ZNF568: variants seen among roughly 807,000 people sequenced by gnomAD.
ZNF568 encodes zinc finger protein 568, also known as p53 inhibitor of SCO2 activation.
In ZNF568, 11 loss-of-function variants were observed where a neutral mutation model predicts 18.1. The observed-to-expected ratio is 0.61, with a 90% confidence interval of 0.38 to 1.00. The LOEUF (loss-of-function observed/expected upper bound fraction) is 1.00. Ranked by LOEUF, ZNF568 falls within the 50% of genes least tolerant of loss-of-function variation. The pLI, the probability that ZNF568 is intolerant of heterozygous loss-of-function variation, is 0.01. For synonymous variants in ZNF568, 213 were observed against 246.6 expected, an observed-to-expected ratio of 0.86 and a Z score of 1.28; for missense variants, 639 against 768.2, an observed-to-expected ratio of 0.83 and a Z score of 1.99.
At chr19:36,925,056 C>A in intron 3 of ZNF568, 144 bp from the exon 4 acceptor site, 1 of 670,276 alleles carries the variant, frequency 1.5e-6, no homozygotes, top group Non-Finnish European at 2.6e-6. Context: ...ATTTCAGTGT[C>A]TATAGCTAGA....
rs201763854 is a variant in ZNF568, at chr19:36,959,546, TCTC to T, written c.359-14870_359-14868del. Among the ~76,000 whole-genome samples, 9 of 152,178 alleles carry T rather than the reference TCTC, an allele frequency of 5.9e-5. No homozygotes were observed. The East Asian group carries it at 1.3e-3, about 23-fold the overall frequency. On this transcript the variant is annotated intron_variant, in intron 6 of 7. Coordinates refer to the ZNF568 transcript ENST00000427117. ...TTGTAGAATGAACTGGGGAGAATTC[TCTC>T]CTCTTTTATTTTTTGAAATAGTTTC...
At chr19:36,940,619 A>G (rs2073864279) in intron 6 of ZNF568, among the ~76,000 whole-genome samples, 2 of 152,206 alleles carry the variant, frequency 1.3e-5, no homozygotes, top group Admixed American at 1.3e-4. Flanking sequence ...ATCAGGCTAG[A>G]GTTAGAAAGA....
chr19:36,972,184 A>G (rs1277004085), intron 6 of ZNF568, among the ~76,000 whole-genome samples: 1 of 152,050 alleles, frequency 6.6e-6, no homozygotes, highest in Non-Finnish European at 1.5e-5. Flanking sequence ...TTATTTTAGT[A>G]GCACTTTTAG....
intron 4 of ZNF568, among the ~76,000 whole-genome samples, chr19:36,930,119 A>G (rs2073659628): frequency 1.3e-5 from 2 of 152,144 alleles, no homozygotes; most frequent in Non-Finnish European, 2.9e-5. Context: ...ACCCTATTGT[A>G]AAGACTGACT....
rs1193440344 is a variant in ZNF568 at position 36,975,681 on chromosome 19, C to CT, written c.405+1236dup. Among the ~76,000 whole-genome samples the CT allele has an allele frequency of 2.4e-3, 184 of 75,760 alleles. 10 individuals carry two copies. The highest frequency in any genetic ancestry group is 0.012 in the Middle Eastern group (1 of 84). 49.7% of individuals were successfully genotyped at this position (75,760 alleles called of 152,430 possible). A position where few individuals can be genotyped will look rare whatever the true frequency, so the allele number is the denominator to read the frequency against. ...GCAGGCGTGAGCCACCGCGCCAAGA[C>CT]TTTTTTTTTTTTTTTTTTTTTGAGA... On this transcript the variant is annotated intron_variant, in intron 7 of 7. Coordinates refer to the ZNF568 transcript ENST00000427117.
chr19:36,933,379 C>T (rs2073721334), intron 4 of ZNF568, among the ~76,000 whole-genome samples: 1 of 151,068 alleles, frequency 6.6e-6, no homozygotes, highest in African/African-American at 2.4e-5. Flanking sequence ...CCTTCTTTTG[C>T]TTATTTGCTA....
chr19:36,917,951 T>TG (rs1222602094), intron 2 of ZNF568, among the ~76,000 whole-genome samples: 1 of 152,110 alleles, frequency 6.6e-6, no homozygotes, highest in Non-Finnish European at 1.5e-5. Flanking sequence ...TTGTTGTTGT[T>TG]TTGTTTTGTT....
intron 4 of ZNF568, among the ~76,000 whole-genome samples, chr19:36,996,103 A>G (rs1291396491): frequency 6.6e-6 from 1 of 152,084 alleles, no homozygotes; most frequent in East Asian, 1.9e-4. Context: ...AGCGGCTCAC[A>G]CCTGTAATCC....
chr19:36,969,782 T>C (rs2074222749), intron 6 of ZNF568, among the ~76,000 whole-genome samples: 1 of 24,676 alleles, frequency 4.1e-5, no homozygotes, highest in Non-Finnish European at 7.4e-5. Context: ...CATCTCAAGA[T>C]TTTTTTTTTT....
intron 1 of ZNF568, among the ~76,000 whole-genome samples, chr19:36,917,302 T>G (rs2073359235): frequency 6.6e-6 from 1 of 152,172 alleles, no homozygotes; most frequent in Non-Finnish European, 1.5e-5. Flanking sequence ...CAAGAGAGAT[T>G]GCCTCAACCA....
At chr19:36,922,893 C>T in intron 3 of ZNF568, 47 bp downstream of exon 3, 1 of 1,552,230 alleles carries the variant, frequency 6.4e-7, no homozygotes, top group Non-Finnish European at 8.9e-7. Flanking sequence ...AAAGGCTCTA[C>T]ATTTGGGGAC....
At chr19:36,952,930 A>G (rs2074079462), downstream of ZNF568, among the ~76,000 whole-genome samples, 1 of 152,214 alleles carries the variant, frequency 6.6e-6, no homozygotes, top group Non-Finnish European at 1.5e-5. Flanking sequence ...AAATTAGCAC[A>G]TTTTAGCAAC....
chr19:36,946,995 C>CT (rs2073978042), intron 6 of ZNF568, among the ~76,000 whole-genome samples: 1 of 148,042 alleles, frequency 6.8e-6, no homozygotes, highest in Non-Finnish European at 1.5e-5. Context: ...TGGATCAGAA[C>CT]CTAGAAGATT....
intron 6 of ZNF568, among the ~76,000 whole-genome samples, chr19:36,970,851 T>G (rs2146331080): frequency 6.6e-6 from 1 of 152,336 alleles, no homozygotes; most frequent in South Asian, 2.1e-4. Context: ...GTTCAGATTT[T>G]CTACTTCTTA....
chr19:36,946,800 GCT>G (rs1248112240), intron 6 of ZNF568, among the ~76,000 whole-genome samples: 1 of 151,190 alleles, frequency 6.6e-6, no homozygotes, highest in African/African-American at 2.4e-5. Flanking sequence ...TTATAGGCAT[GCT>G]CCACCACACC....
intron 6 of ZNF568, among the ~76,000 whole-genome samples, chr19:36,940,153 T>C (rs1278962735): frequency 6.6e-6 from 1 of 152,220 alleles, no homozygotes; most frequent in Non-Finnish European, 1.5e-5. Context: ...ACCTTCATGC[T>C]ATATCTGTGT....
chr19:36,964,198 G>A (rs192218295), intron 6 of ZNF568, among the ~76,000 whole-genome samples: 3 of 151,612 alleles, frequency 2.0e-5, no homozygotes, highest in African/African-American at 4.8e-5. Context: ...GCTTATGAAC[G>A]TTTGTGAAAT....
downstream of ZNF568, among the ~76,000 whole-genome samples, chr19:36,984,088 A>AG (rs1483897775): frequency 4.0e-5 from 6 of 148,498 alleles, no homozygotes; most frequent in Admixed American, 6.7e-5. Context: ...TTTAGTAGAG[A>AG]GGGGGTTTCA....
chr19:36,981,940 AT>A (rs34795424), downstream of ZNF568, among the ~76,000 whole-genome samples: 85,356 of 149,746 alleles, frequency 0.57, 25,060 homozygotes, highest in African/African-American at 0.71. Flanking sequence ...CTTGCCATTG[AT>A]TTTTTTTTTT....
Sources: gnomAD v4.1 joint callset for allele counts (sites outside exome capture counted in the v4.1 genomes callset) on GRCh38, gnomAD v4.1.1 for gene constraint, MANE v1.5 for transcripts, NCBI Gene and HGNC (gene_info 2026-07-23, HGNC 2026-07-21) for gene names.